CHODL: variants seen among roughly 807,000 people sequenced by gnomAD.
CHODL encodes the protein transmembrane protein MT75.
Under a neutral mutation model 34.5 loss-of-function variants are expected in CHODL, and 29 were observed. That is an observed-to-expected ratio of 0.84 (90% CI 0.63 to 1.15). The LOEUF (loss-of-function observed/expected upper bound fraction) is 1.15, where lower values mean the gene tolerates loss of function less well. CHODL is among the 50% of genes most tolerant of loss of function. CHODL has a pLI of 0.00. For synonymous variants in CHODL, 125 were observed against 116.1 expected (o/e 1.08, Z -0.49); for missense variants, 332 against 332.5 (o/e 1.00, Z 0.01).
intron 1 of CHODL, among the ~76,000 whole-genome samples, chr21:17,977,781 T>A (rs1716909096): frequency 6.7e-6 from 1 of 149,116 alleles, no homozygotes; most frequent in Admixed American, 6.7e-5. Context: ...TAGCTGGGCA[T>A]GGTGGCCGGC....
intron 2 of CHODL, among the ~76,000 whole-genome samples, chr21:18,189,373 T>C (rs1251886744): frequency 6.6e-6 from 1 of 152,190 alleles, no homozygotes; most frequent in African/African-American, 2.4e-5. Context: ...GTGTATGCCA[T>C]ATGTTGTTTG....
chr21:18,073,231 T>C (rs1245477658), intron 2 of CHODL, among the ~76,000 whole-genome samples: 1 of 152,150 alleles, frequency 6.6e-6, no homozygotes, highest in Non-Finnish European at 1.5e-5. Context: ...ACAAGGTTAG[T>C]ACTAGCTTAA....
At chr21:18,064,793 A>G (rs1048828192) in intron 2 of CHODL, among the ~76,000 whole-genome samples, 1 of 152,162 alleles carries the variant, frequency 6.6e-6, no homozygotes, top group Non-Finnish European at 1.5e-5. Context: ...AAATATATGT[A>G]TGTATGCACC....
At chr21:18,175,593 GAAAA>G (rs892655376) in intron 2 of CHODL, among the ~76,000 whole-genome samples, 1 of 125,858 alleles carries the variant, frequency 7.9e-6, no homozygotes, top group Non-Finnish European at 1.7e-5. Flanking sequence ...ACTGTCTGGA[GAAAA>G]AAAAAAAAAG....
At chr21:18,139,856 A>G (rs1221410312) in intron 2 of CHODL, among the ~76,000 whole-genome samples, 1 of 152,146 alleles carries the variant, frequency 6.6e-6, no homozygotes, top group Non-Finnish European at 1.5e-5. Flanking sequence ...CATAACTGAT[A>G]GGGAGAAAGG....
intron 2 of CHODL, among the ~76,000 whole-genome samples, chr21:18,120,329 A>C (rs1384237334): frequency 6.6e-6 from 1 of 152,186 alleles, no homozygotes; most frequent in Non-Finnish European, 1.5e-5. Flanking sequence ...GCAGACCTCG[A>C]GTTGAACTGG....
intron 1 of CHODL, among the ~76,000 whole-genome samples, chr21:17,973,399 CTTTTCTTTTCTTTCTTTCTT>C (rs1225318258): frequency 0.014 from 1,982 of 145,032 alleles, 33 homozygotes; most frequent in African/African-American, 0.047. Context: ...TATGCATTTT[CTTTTCTTTTCTTTCTTTCTT>C]TTTTTTTTTT....
At chr21:18,060,483 A>G (rs887860151) in intron 2 of CHODL, among the ~76,000 whole-genome samples, 3 of 151,044 alleles carry the variant, frequency 2.0e-5, no homozygotes, top group African/African-American at 7.4e-5. Flanking sequence ...TAAAATTATC[A>G]AACTCCTCAA....
intron 2 of CHODL, among the ~76,000 whole-genome samples, chr21:18,174,638 A>AT (rs923926038): frequency 4.6e-5 from 7 of 151,946 alleles, no homozygotes; most frequent in East Asian, 1.9e-4. Context: ...GATTAAATTG[A>AT]TTTTTTTTAA....
intron 1 of CHODL, among the ~76,000 whole-genome samples, chr21:18,252,536 G>A (rs2074270278): frequency 6.6e-6 from 1 of 152,028 alleles, no homozygotes; most frequent in Non-Finnish European, 1.5e-5. Flanking sequence ...GTGGTGAGAC[G>A]TTCAATAGCT....
Position 18,127,672 on chromosome 21 carries a change from G to GTTTTTTTTTTTTTTT in CHODL, c.-45+99716_-45+99730dup, listed in dbSNP as rs71318127. 1.3e-4 allele frequency among the ~76,000 whole-genome samples: 9 copies of GTTTTTTTTTTTTTTT among 70,006 alleles called. 2 individuals carry two copies. Among genetic ancestry groups the GTTTTTTTTTTTTTTT allele is most frequent in the African/African-American group, 2.6e-4 (5 of 18,882 alleles). The allele number at this position is 70,006 out of a possible 152,430, so 45.9% of individuals were successfully genotyped here. On this transcript the variant is annotated intron_variant, in intron 2 of 6. Coordinates refer to the CHODL transcript ENST00000400127. ...TTACATAACCAGTTGCGTTGCCATT[G>GTTTTTTTTTTTTTTT]TTTTTTTTTTTTTTTTTTTTTTTTT... is the stretch of plus-strand genomic sequence containing the variant.
chr21:18,018,812 C>T (rs992106118), intron 1 of CHODL, among the ~76,000 whole-genome samples: 2 of 152,150 alleles, frequency 1.3e-5, no homozygotes, highest in Non-Finnish European at 2.9e-5. Context: ...CACGTGTGCT[C>T]CTTGTATCTA....
chr21:18,196,257 G>C (rs1388608039), intron 2 of CHODL, among the ~76,000 whole-genome samples: 4 of 152,034 alleles, frequency 2.6e-5, no homozygotes, highest in African/African-American at 9.7e-5. Flanking sequence ...TTATAACATG[G>C]TATGTTATAC....
intron 1 of CHODL, among the ~76,000 whole-genome samples, chr21:17,999,898 A>G (rs2063889193): frequency 6.6e-6 from 1 of 152,202 alleles, no homozygotes; most frequent in Non-Finnish European, 1.5e-5. Context: ...GTGAAGATGT[A>G]CACCAACCTC....
intron 2 of CHODL, among the ~76,000 whole-genome samples, chr21:18,212,414 A>C (rs779385293): frequency 6.6e-6 from 1 of 152,154 alleles, no homozygotes; most frequent in East Asian, 1.9e-4. Context: ...ATTAGTTTGA[A>C]AAACAAATAG....
At chr21:18,065,657 A>C (rs1315592133) in intron 2 of CHODL, among the ~76,000 whole-genome samples, 1 of 152,144 alleles carries the variant, frequency 6.6e-6, no homozygotes, top group African/African-American at 2.4e-5. Flanking sequence ...ATTTTGAAGA[A>C]GCTCCGGAGA....
At chr21:17,976,520 A>C (rs1392351296) in intron 1 of CHODL, among the ~76,000 whole-genome samples, 1 of 152,116 alleles carries the variant, frequency 6.6e-6, no homozygotes, top group South Asian at 2.1e-4. Context: ...TAAGTCTCTG[A>C]GAATCAATTA....
chr21:18,079,314 A>G (rs1262757587), intron 2 of CHODL, among the ~76,000 whole-genome samples: 2 of 151,002 alleles, frequency 1.3e-5, no homozygotes, highest in African/African-American at 4.9e-5. Flanking sequence ...TATTTTTCTT[A>G]TGCCATAAAA....
intron 2 of CHODL, among the ~76,000 whole-genome samples, chr21:18,164,390 C>A (rs1389987443): frequency 6.6e-6 from 1 of 152,166 alleles, no homozygotes; most frequent in African/African-American, 2.4e-5. Flanking sequence ...AGGATCTAGA[C>A]CACTCAAAAG....
Sources: gnomAD v4.1 joint callset for allele counts (sites outside exome capture counted in the v4.1 genomes callset) on GRCh38, gnomAD v4.1.1 for gene constraint, MANE v1.5 for transcripts, NCBI Gene and HGNC (gene_info 2026-07-23, HGNC 2026-07-21) for gene names.